Variants in RFFL observed in about 807,000 individuals in gnomAD.
RFFL encodes ring finger and FYVE like domain containing E3 ubiquitin protein ligase, also known as E3 ubiquitin-protein ligase rififylin.
RFFL carries 16 observed loss-of-function variants against 40.4 expected under a neutral mutation model. The observed-to-expected ratio is 0.40, with a 90% CI of 0.27 to 0.60. The LOEUF (loss-of-function observed/expected upper bound fraction) is 0.60. RFFL is among the 20% of genes least tolerant of loss of function. The probability of loss-of-function intolerance (pLI) is 0.47; values close to 1 mark genes in which losing one functional copy is unlikely to be tolerated. For missense variants in RFFL, 367 were observed against 451.7 expected, an observed-to-expected ratio of 0.81 and a Z score of 1.70; for synonymous variants, 154 against 167.9, an observed-to-expected ratio of 0.92 and a Z score of 0.64.
chr17:35,038,259 T>C (rs888324137), intron 1 of RFFL, among the ~76,000 whole-genome samples: 1 of 135,536 alleles, frequency 7.4e-6, no homozygotes, highest in Non-Finnish European at 1.5e-5. Context: ...ATTGCATTCC[T>C]GCCTGGATGA....
At chr17:35,012,888 T>C (rs2090949891) in intron 6 of RFFL, among the ~76,000 whole-genome samples, 1 of 152,292 alleles carries the variant, frequency 6.6e-6, no homozygotes, top group South Asian at 2.1e-4. Context: ...TTTACAATTA[T>C]ATGCTTAGCA....
At chr17:35,072,383 T>A (rs928161710) in intron 1 of RFFL, among the ~76,000 whole-genome samples, 9 of 152,176 alleles carry the variant, frequency 5.9e-5, no homozygotes, top group Non-Finnish European at 1.3e-4. Flanking sequence ...CTGTTATGAT[T>A]CCATTTCCAT....
chr17:35,015,502 G>T (rs765560312), intron 5 of RFFL, among the ~76,000 whole-genome samples: 2 of 152,190 alleles, frequency 1.3e-5, no homozygotes, highest in Non-Finnish European at 2.9e-5. Context: ...CAATCCCAAA[G>T]GGAAAACAGA....
chr17:35,044,452 AC>A (rs2091185434), intron 1 of RFFL, among the ~76,000 whole-genome samples: 1 of 152,146 alleles, frequency 6.6e-6, no homozygotes, highest in South Asian at 2.1e-4. Context: ...CCTTGTCTCT[AC>A]TAAAAATACA....
chr17:35,084,975 A>G (rs12951350), intron 1 of RFFL, among the ~76,000 whole-genome samples: 39,457 of 152,046 alleles, frequency 0.26, 8,971 homozygotes, highest in African/African-American at 0.62. Flanking sequence ...TAGCGTCTAC[A>G]TGGTATGGCC....
In RFFL at chr17:35,044,744, C is replaced by CT. The variant is rs1478910777; in HGVS notation, c.-8-18184dup. On this transcript the variant is annotated intron_variant, in intron 1 of 6. Coordinates refer to ENST00000394597, the MANE Select transcript of RFFL (RefSeq NM_001017368.2). Reference sequence around the variant, plus strand: ...TCTTCAAACACCAAGGTTATTTTGGCTTTAGGAATCTCCCTCCCTCAAGCT... The same window carrying CT: ...TCTTCAAACACCAAGGTTATTTTGGCTTTTAGGAATCTCCCTCCCTCAAGCT... 5.3e-5 allele frequency among the ~76,000 whole-genome samples: 8 copies of CT among 152,176 alleles called. No individual in the cohort carries two copies. The East Asian group carries it at 1.3e-3, about 26-fold the overall frequency.
chr17:35,039,875 A>G (rs989685236), intron 1 of RFFL, among the ~76,000 whole-genome samples: 1 of 151,580 alleles, frequency 6.6e-6, no homozygotes, highest in African/African-American at 2.4e-5. Context: ...CGGCTTCTCC[A>G]TGTCGGTCAG....
Position 35,016,458 on chromosome 17 carries a change from A to G in RFFL, c.798T>C (p.Phe266=), listed in dbSNP as rs1330577776. 6.2e-7 allele frequency: 1 copy of G among 1,614,192 alleles called. No homozygotes were observed. The highest frequency in any genetic ancestry group is 1.1e-5 in the South Asian group (1 of 91,076). ...TCTCACAGCAGCCCTTGTAGTTGAC[A>G]AAGTTGCGAGCCAAGATCTCTTTCA... ...RQLKEILARN[F]VNYKGCCEKW... Residue 266 remains phenylalanine (F), a synonymous_variant, in exon 5 of 7, where the codon TTT becomes TTC. Transcript: ENST00000394597.
intron 1 of RFFL, among the ~76,000 whole-genome samples, chr17:35,052,928 A>G (rs1597832291): frequency 2.6e-5 from 4 of 152,364 alleles, no homozygotes; most frequent in South Asian, 4.1e-4. Context: ...GGGAGCCTTC[A>G]TGGGAAGAAT....
intron 1 of RFFL, among the ~76,000 whole-genome samples, chr17:35,060,481 G>A (rs2091284811): frequency 6.6e-6 from 1 of 152,128 alleles, no homozygotes; most frequent in South Asian, 2.1e-4. Flanking sequence ...ATGTATATAT[G>A]CTTTGGTATC....
chr17:35,066,484 A>G (rs2091321600), upstream of RFFL, among the ~76,000 whole-genome samples: 1 of 152,226 alleles, frequency 6.6e-6, no homozygotes, highest in Admixed American at 6.5e-5. Flanking sequence ...GGGAATAAAG[A>G]TCAAATAGCT....
At chr17:35,071,856 A>T (rs768971289) in intron 1 of RFFL, among the ~76,000 whole-genome samples, 18 of 152,160 alleles carry the variant, frequency 1.2e-4, no homozygotes, top group Non-Finnish European at 1.6e-4. Context: ...CACACCATGG[A>T]ATACTACTCA....
intron 3 of RFFL, among the ~76,000 whole-genome samples, chr17:35,020,214 G>A (rs1293485620): frequency 6.6e-6 from 1 of 152,110 alleles, no homozygotes; most frequent in Non-Finnish European, 1.5e-5. Flanking sequence ...ATTGGATCTT[G>A]TAGTTCCTAA....
In RFFL at chr17:35,051,444, C is replaced by A. The variant is rs143980323; in HGVS notation, c.-9+12132G>T. On this transcript the variant is annotated intron_variant, in intron 1 of 6. Transcript: ENST00000394597. ...CCCTAGACCTTCAACAAGTAGGTAA[C>A]CTTTCATATCTGCTGCCAACTGGTT... Among the ~76,000 whole-genome samples, 3 of 152,140 alleles carry A rather than the reference C, an allele frequency of 2.0e-5. No homozygotes were observed. In the East Asian group the frequency reaches 5.8e-4, roughly 29 times the overall value.
intron 1 of RFFL, among the ~76,000 whole-genome samples, chr17:35,028,142 C>G (rs1473548610): frequency 6.6e-6 from 1 of 151,960 alleles, no homozygotes; most frequent in Non-Finnish European, 1.5e-5. Flanking sequence ...CAAGACCAGT[C>G]TGGCCAACAT....
intron 1 of RFFL, among the ~76,000 whole-genome samples, chr17:35,039,947 T>C (rs2142344040): frequency 6.6e-6 from 1 of 152,198 alleles, no homozygotes; most frequent in Non-Finnish European, 1.5e-5. Flanking sequence ...AGTGCTGGGA[T>C]TACAGGCATG....
In RFFL at chr17:35,038,847, G is replaced by A. The variant is rs561829495; in HGVS notation, c.-8-12286C>T. On this transcript the variant is annotated intron_variant, in intron 1 of 6. Coordinates refer to ENST00000394597, the MANE Select transcript of RFFL (RefSeq NM_001017368.2). Reference sequence around the variant, plus strand: ...TATGTTGACTTTGTAAAAATTCATCGAACTGTACACTTATAATTTATATAC... The same window carrying A: ...TATGTTGACTTTGTAAAAATTCATCAAACTGTACACTTATAATTTATATAC... Among the ~76,000 whole-genome samples, 13 of 152,248 alleles carry A rather than the reference G, an allele frequency of 8.5e-5. No homozygotes were observed. The East Asian group carries it at 1.2e-3, about 14-fold the overall frequency.
At chr17:35,035,866 G>A (rs2091118484) in intron 1 of RFFL, among the ~76,000 whole-genome samples, 2 of 151,768 alleles carry the variant, frequency 1.3e-5, no homozygotes, top group South Asian at 4.2e-4. Flanking sequence ...ACTACACCTG[G>A]CTAATTTTGT....
chr17:35,023,968 A>C (rs1318185733), intron 2 of RFFL, among the ~76,000 whole-genome samples: 1 of 152,240 alleles, frequency 6.6e-6, no homozygotes, highest in African/African-American at 2.4e-5. Context: ...AAGGGCTGTC[A>C]ACAAATGCAG....
Sources: allele counts gnomAD v4.1 joint callset (sites outside exome capture counted in the v4.1 genomes callset), GRCh38; gene constraint gnomAD v4.1.1; transcripts MANE v1.5; gene names NCBI Gene and HGNC (gene_info 2026-07-23, HGNC 2026-07-21).